The following AGMO variants were observed in gnomAD, a reference collection of about 807,000 sequenced individuals.
AGMO encodes the protein glyceryl-ether monooxygenase.
In AGMO, 75 loss-of-function variants were observed where a neutral mutation model predicts 60.2. The ratio of observed to expected loss-of-function variants is 1.25; its 90% CI spans 1.03 to 1.51. The LOEUF (loss-of-function observed/expected upper bound fraction) is 1.51, where lower values mean the gene tolerates loss of function less well. Among genes scored for constraint, AGMO ranks in the 40% most tolerant of loss-of-function variants. AGMO has a pLI of 0.00. For missense variants in AGMO, 763 were observed against 525.5 expected (o/e 1.45, Z -4.42); for synonymous variants, 261 against 177.1 (o/e 1.47, Z -3.76).
At chr7:15,509,604 G>A (rs534971943) in intron 3 of AGMO, among the ~76,000 whole-genome samples, 2 of 152,114 alleles carry the variant, frequency 1.3e-5, no homozygotes, top group Admixed American at 6.6e-5. Context: ...AAACTGAAGT[G>A]CTTCTTCACT....
intron 12 of AGMO, among the ~76,000 whole-genome samples, chr7:15,309,466 G>C (rs994634868): frequency 6.6e-6 from 1 of 152,090 alleles, no homozygotes. Flanking sequence ...TTGAAGTCCA[G>C]TGCCCTATTG....
the AGMO span, among the ~76,000 whole-genome samples, chr7:15,139,928 T>C: frequency 6.7e-6 from 1 of 150,204 alleles, no homozygotes; most frequent in Non-Finnish European, 1.5e-5. Flanking sequence ...ATGTATAGAA[T>C]AAATTAAATA....
intron 5 of AGMO, among the ~76,000 whole-genome samples, chr7:15,403,096 T>C (rs1317254891): frequency 1.3e-5 from 2 of 152,004 alleles, no homozygotes; most frequent in Admixed American, 6.6e-5. Context: ...CTCATTTTTC[T>C]TTCTTTTTCA....
chr7:15,190,099 A>T, the AGMO span, among the ~76,000 whole-genome samples: 6 of 1,110 alleles, frequency 5.4e-3, no homozygotes, highest in African/African-American at 0.014. Context: ...ATATATTTAT[A>T]TATATATATA....
chr7:15,371,585 T>C (rs559485855), intron 10 of AGMO, among the ~76,000 whole-genome samples: 32 of 152,214 alleles, frequency 2.1e-4, no homozygotes, highest in African/African-American at 7.5e-4. Context: ...TTAGTAGAGA[T>C]GGGGTTTCAC....
chr7:15,508,011 G>C (rs1192944091), intron 3 of AGMO, among the ~76,000 whole-genome samples: 3 of 151,950 alleles, frequency 2.0e-5, no homozygotes, highest in African/African-American at 7.3e-5. Flanking sequence ...ATTTAAAATG[G>C]AAATAAAATG....
chr7:15,222,339 G>T (rs991885818), intron 12 of AGMO, among the ~76,000 whole-genome samples: 1 of 151,910 alleles, frequency 6.6e-6, no homozygotes, highest in Non-Finnish European at 1.5e-5. Flanking sequence ...AAGTCAGAAT[G>T]AACTTAGAGC....
At chr7:15,249,761 C>CGTAGTTGTAT (rs1782877988) in intron 12 of AGMO, among the ~76,000 whole-genome samples, 1 of 152,080 alleles carries the variant, frequency 6.6e-6, no homozygotes, top group South Asian at 2.1e-4. Context: ...TTTCTAGATC[C>CGTAGTTGTAT]ATAGTCATGT....
At chr7:15,529,608 G>A (rs1336749023) in intron 3 of AGMO, among the ~76,000 whole-genome samples, 4 of 10,366 alleles carry the variant, frequency 3.9e-4, no homozygotes, top group African/African-American at 1.7e-3. Flanking sequence ...TATATATAGA[G>A]TATATATATA....
At chr7:15,313,923 G>C (rs1780840389) in intron 12 of AGMO, among the ~76,000 whole-genome samples, 1 of 151,808 alleles carries the variant, frequency 6.6e-6, no homozygotes, top group African/African-American at 2.4e-5. Flanking sequence ...CCTTCTGCTT[G>C]TGTTGATGTG....
chr7:15,453,737 C>G (rs759520763), intron 3 of AGMO, among the ~76,000 whole-genome samples: 24 of 152,164 alleles, frequency 1.6e-4, no homozygotes, highest in African/African-American at 5.5e-4. Context: ...CAGGTCAGCA[C>G]AGGATATTTG....
At chr7:15,149,017 C>G in the AGMO span, among the ~76,000 whole-genome samples, 2 of 152,118 alleles carry the variant, frequency 1.3e-5, no homozygotes, top group African/African-American at 4.8e-5. Flanking sequence ...GCCATTCTAA[C>G]CAGTGTGAGA....
chr7:15,243,420 G>T (rs1221816368), intron 12 of AGMO, among the ~76,000 whole-genome samples: 1 of 151,974 alleles, frequency 6.6e-6, no homozygotes, highest in Non-Finnish European at 1.5e-5. Flanking sequence ...AGAGCAAAAA[G>T]TTAAATCAAT....
At chr7:15,227,776 C>A (rs1782130995) in intron 12 of AGMO, among the ~76,000 whole-genome samples, 2 of 152,120 alleles carry the variant, frequency 1.3e-5, no homozygotes. Flanking sequence ...TACTAATCAA[C>A]TACTAGTTCC....
chr7:15,157,449 G>A, the AGMO span, among the ~76,000 whole-genome samples: 1 of 152,176 alleles, frequency 6.6e-6, no homozygotes, highest in East Asian at 1.9e-4. Context: ...GTGTCAACTT[G>A]GCTAAGCTGG....
intron 12 of AGMO, among the ~76,000 whole-genome samples, chr7:15,229,718 T>TATAACTAA (rs1782199110): frequency 1.6e-5 from 2 of 121,606 alleles, no homozygotes; most frequent in East Asian, 3.9e-4. Context: ...ATATATTATA[T>TATAACTAA]TATATATAAA....
At chr7:15,360,574 T>C (rs926553688) in intron 12 of AGMO, among the ~76,000 whole-genome samples, 8 of 151,960 alleles carry the variant, frequency 5.3e-5, no homozygotes, top group African/African-American at 1.7e-4. Flanking sequence ...TCATGTTAAG[T>C]AGTCTGAGGA....
the AGMO span, among the ~76,000 whole-genome samples, chr7:15,173,702 G>C: frequency 1.2e-3 from 178 of 151,822 alleles, 2 homozygotes; most frequent in Middle Eastern, 0.021. Context: ...AATGGGTTAA[G>C]GAATAAAATG....
intron 3 of AGMO, among the ~76,000 whole-genome samples, chr7:15,517,514 G>A (rs905797736): frequency 8.6e-5 from 13 of 151,296 alleles, no homozygotes. Context: ...GCCCAAGGAG[G>A]CCAAGCAGAA....
Sources: gnomAD v4.1 joint callset for allele counts (sites outside exome capture counted in the v4.1 genomes callset) on GRCh38, gnomAD v4.1.1 for gene constraint, MANE v1.5 for transcripts, NCBI Gene and HGNC (gene_info 2026-07-23, HGNC 2026-07-21) for gene names.